Variants in ARMC9 observed in about 807,000 individuals in gnomAD.
ARMC9 encodes the protein armadillo repeat containing 9.
A neutral mutation model predicts 107.0 loss-of-function variants in ARMC9; 94 were observed. That is an observed-to-expected ratio of 0.88 (90% CI 0.74 to 1.04). ARMC9 has a LOEUF of 1.04. Ranked by LOEUF, ARMC9 falls within the 50% of genes least tolerant of loss-of-function variation. The pLI is 0.00. For missense variants in ARMC9, 942 were observed against 1,030.1 expected (o/e 0.91, Z 1.17); for synonymous variants, 380 against 396.9 (o/e 0.96, Z 0.51).
At position 231,255,238 on chromosome 2, in the gene ARMC9, A is replaced by G. The variant is rs1263539723; in HGVS notation, c.880-1348A>G. On this transcript the variant is annotated intron_variant, in intron 9 of 24. Coordinates refer to ENST00000611582, the MANE Select transcript of ARMC9 (RefSeq NM_001352754.2). The surrounding 1 kb of genome is among the most constrained non-coding windows in gnomAD (Gnocchi z 4.7). ...ACACACACAAAATAAATGGGACAAG[A>G]ATCTCCGTAAAGTAGGTGATGATTT... 6.6e-6 allele frequency among the ~76,000 whole-genome samples: 1 copy of G among 151,736 alleles called. No homozygotes were observed. Among genetic ancestry groups the G allele is most frequent in the African/African-American group, 2.4e-5 (1 of 41,254 alleles).
chr2:231,282,554 A>T (rs2040294359), intron 17 of ARMC9, among the ~76,000 whole-genome samples: 1 of 152,222 alleles, frequency 6.6e-6, no homozygotes, highest in Admixed American at 6.5e-5. Context: ...TTTTGAAAGG[A>T]CAAGTGTTTC....
chr2:231,369,882 C>A (rs1467286321), intron 23 of ARMC9, 71 bp from the exon 24 acceptor site: 1 of 1,349,064 alleles, frequency 7.4e-7, no homozygotes, highest in South Asian at 1.9e-5. Flanking sequence ...GCGGGAGCCA[C>A]CACACCCGGC....
At chr2:231,243,179 G>C (rs1171892008) in intron 9 of ARMC9, among the ~76,000 whole-genome samples, 1 of 151,906 alleles carries the variant, frequency 6.6e-6, no homozygotes, top group Non-Finnish European at 1.5e-5. Flanking sequence ...CCCGGGAGGC[G>C]GAGCTTGCAG....
chr2:231,237,781 ATTTTTTTTTTTTTTTTTTT>A (rs142285288), intron 8 of ARMC9, among the ~76,000 whole-genome samples: 1 of 26,960 alleles, frequency 3.7e-5, no homozygotes, highest in Non-Finnish European at 7.1e-5. Flanking sequence ...ATATATATAT[ATTTTTTTTTTTTTTTTTTT>A]TTTTTTTTTT....
At chr2:231,264,597 G>A (rs1037488187) in intron 12 of ARMC9, among the ~76,000 whole-genome samples, 1 of 150,918 alleles carries the variant, frequency 6.6e-6, no homozygotes, top group Non-Finnish European at 1.5e-5. Flanking sequence ...TCCTGGGTTC[G>A]AGCGATTCTC....
chr2:231,269,107 A>G (rs2039091079), intron 12 of ARMC9, among the ~76,000 whole-genome samples: 1 of 152,112 alleles, frequency 6.6e-6, no homozygotes, highest in Non-Finnish European at 1.5e-5. Flanking sequence ...CCAATTCTTT[A>G]TCTTTTGTAT....
chr2:231,353,490 A>G (rs2045193668), intron 21 of ARMC9, among the ~76,000 whole-genome samples: 1 of 134,464 alleles, frequency 7.4e-6, no homozygotes, highest in African/African-American at 4.0e-5. Context: ...CCACAAAGTG[A>G]CAATTCTAAG....
intron 11 of ARMC9, among the ~76,000 whole-genome samples, chr2:231,261,284 A>G (rs2038315813): frequency 6.6e-6 from 1 of 152,194 alleles, no homozygotes; most frequent in Non-Finnish European, 1.5e-5. Flanking sequence ...TACCCGTTAT[A>G]CATGCTCTCC....
intron 7 of ARMC9, 117 bp from the exon 8 acceptor site, chr2:231,235,107 G>A: frequency 8.6e-7 from 1 of 1,156,094 alleles, no homozygotes; most frequent in Non-Finnish European, 1.2e-6. Context: ...GTAGTGTCCA[G>A]TTTATTGTTA....
chr2:231,281,998 A>C, intron 16 of ARMC9, 61 bp from the exon 17 acceptor site: 1 of 1,499,460 alleles, frequency 6.7e-7, no homozygotes, highest in Admixed American at 1.7e-5. Context: ...GTGGTGTTTG[A>C]TATAGAGTTG....
At chr2:231,315,410 ACACCTGTAGTCC>A (rs1262368199) in intron 19 of ARMC9, among the ~76,000 whole-genome samples, 1 of 151,966 alleles carries the variant, frequency 6.6e-6, no homozygotes, top group Non-Finnish European at 1.5e-5. Context: ...GTGGTGGCGC[ACACCTGTAGTCC>A]CAGCTACTCA....
At chr2:231,205,871 C>G (rs2031904012) in intron 1 of ARMC9, among the ~76,000 whole-genome samples, 1 of 152,210 alleles carries the variant, frequency 6.6e-6, no homozygotes, top group Non-Finnish European at 1.5e-5. Flanking sequence ...CCTTTAAAGC[C>G]TGCAGTGGCT....
At position 231,271,024 on chromosome 2, in the gene ARMC9, C is replaced by A; in HGVS notation, c.1162C>A (p.Arg388=). The A allele has an allele frequency of 6.2e-7, 1 of 1,614,122 alleles. No individual in the cohort carries two copies. The highest frequency in any genetic ancestry group is 8.5e-7 in the Non-Finnish European group (1 of 1,180,028). ...QLLHSTSDVV[R]QYMARLINAF... ...GCTGCACTCCACGAGCGACGTGGTGCGGCAGTACATGGCCAGGCTCATCAA... is the reference window on the plus strand; with the variant it reads ...GCTGCACTCCACGAGCGACGTGGTGAGGCAGTACATGGCCAGGCTCATCAA... The change falls in exon 13 of 25, where the codon CGG becomes AGG. Residue 388 remains arginine (R), a synonymous_variant. Transcript: ENST00000611582.
chr2:231,315,909 C>T (rs1435609734), intron 19 of ARMC9, among the ~76,000 whole-genome samples: 1 of 152,102 alleles, frequency 6.6e-6, no homozygotes, highest in Non-Finnish European at 1.5e-5. Flanking sequence ...ACTCTACTAA[C>T]TTTTTAGCCG....
chr2:231,299,882 G>A (rs2041618393), intron 19 of ARMC9, among the ~76,000 whole-genome samples: 1 of 152,124 alleles, frequency 6.6e-6, no homozygotes, highest in Admixed American at 6.5e-5. Flanking sequence ...GATCAGCTTG[G>A]ACAATACACC....
At chr2:231,242,405 C>T (rs1277644387) in intron 9 of ARMC9, among the ~76,000 whole-genome samples, 1 of 152,156 alleles carries the variant, frequency 6.6e-6, no homozygotes, top group East Asian at 1.9e-4. Context: ...GACATGGCCA[C>T]AGTGATTTTA....
At chr2:231,279,043 T>C (rs1322187616) in intron 16 of ARMC9, among the ~76,000 whole-genome samples, 2 of 152,194 alleles carry the variant, frequency 1.3e-5, no homozygotes, top group Non-Finnish European at 2.9e-5. Context: ...GCCACAGCAG[T>C]CCTCAGTGGG....
intron 23 of ARMC9, among the ~76,000 whole-genome samples, chr2:231,367,738 T>C (rs551553378): frequency 1.1e-4 from 17 of 152,124 alleles, no homozygotes; most frequent in African/African-American, 3.6e-4. Flanking sequence ...ATCCCAGCAC[T>C]TTGGGAAGCA....
chr2:231,213,905 A>G (rs565070622), intron 3 of ARMC9, among the ~76,000 whole-genome samples: 186 of 152,366 alleles, frequency 1.2e-3, no homozygotes, highest in Non-Finnish European at 2.2e-3. Context: ...CGTAAAATGT[A>G]AGTACAAATA....
Sources: gnomAD v4.1 joint callset for allele counts (sites outside exome capture counted in the v4.1 genomes callset) on GRCh38, gnomAD v4.1.1 for gene constraint, Gnocchi (gnomAD v3.1) non-coding constraint, MANE v1.5 for transcripts, NCBI Gene and HGNC (gene_info 2026-07-23, HGNC 2026-07-21) for gene names.